The following EFCC1 variants were observed in gnomAD, a reference collection of about 807,000 sequenced individuals.
EFCC1 encodes the protein EF-hand and coiled-coil domain containing 1.
EFCC1 carries 50 observed loss-of-function variants against 52.1 expected under a neutral mutation model. The observed-to-expected ratio is 0.96, with a 90% CI of 0.76 to 1.21. The LOEUF (loss-of-function observed/expected upper bound fraction) is 1.21, where lower values mean the gene tolerates loss of function less well. EFCC1 is among the 50% of genes most tolerant of loss of function. The pLI, the probability that EFCC1 is intolerant of heterozygous loss-of-function variation, is 0.00. For missense variants in EFCC1, 837 were observed against 867.3 expected (o/e 0.97, Z 0.44); for synonymous variants, 399 against 396.5 (o/e 1.01, Z -0.08).
Position 129,014,946 on chromosome 3 carries a change from C to T in EFCC1, c.980+10869C>T, listed in dbSNP as rs994181271. Among the ~76,000 whole-genome samples the T allele has an allele frequency of 1.3e-5, 2 of 152,126 alleles. No individual in the cohort carries two copies. Among genetic ancestry groups the T allele is most frequent in the African/African-American group, 2.4e-5 (1 of 41,396 alleles). On this transcript the variant is annotated intron_variant, in intron 2 of 7. Transcript: ENST00000683648. The surrounding 1 kb of genome is among the most constrained non-coding windows in gnomAD (Gnocchi z 4.3). ...CTCAGCTCCAAGTGGCTCAGACCCA[C>T]CTGCTACTCTCCAGTCGCACCCACC...
intron 2 of EFCC1, among the ~76,000 whole-genome samples, chr3:129,022,105 A>G (rs1027468631): frequency 6.6e-6 from 1 of 152,174 alleles, no homozygotes; most frequent in Non-Finnish European, 1.5e-5. Flanking sequence ...CAGATCCTCT[A>G]GGATCAATGT....
intron 2 of EFCC1, among the ~76,000 whole-genome samples, chr3:129,020,619 A>T (rs903719283): frequency 1.3e-5 from 2 of 152,232 alleles, no homozygotes; most frequent in Non-Finnish European, 2.9e-5. Context: ...CCTGGGCAAC[A>T]GAGTAACACC....
Position 129,037,151 on chromosome 3 carries a change from A to G in EFCC1, c.1593+34A>G, listed in dbSNP as rs367732811. On this transcript the variant is annotated intron_variant, in intron 6 of 7. Transcript: ENST00000683648. ...ACGGGAGAGCTGCCACACTCAGGGA[A>G]GGGAAAGGAGCTCTTGGGAGGGAGC... 4 of 1,574,602 alleles carry G rather than the reference A, an allele frequency of 2.5e-6. No homozygotes were observed. The African/African-American group carries it at 5.4e-5, about 21-fold the overall frequency.
chr3:129,028,910 G>A (rs530246631), intron 2 of EFCC1, among the ~76,000 whole-genome samples: 1 of 152,336 alleles, frequency 6.6e-6, no homozygotes, highest in South Asian at 2.1e-4. Flanking sequence ...CAAAGTGCTA[G>A]GATTACAGGC....
chr3:129,027,548 G>A (rs1946160412), intron 2 of EFCC1, among the ~76,000 whole-genome samples: 1 of 152,204 alleles, frequency 6.6e-6, no homozygotes, highest in Non-Finnish European at 1.5e-5. Context: ...TGCGCAGTGA[G>A]AGGCTCAGCA....
intron 3 of EFCC1, 103 bp from the exon 4 acceptor site, chr3:129,032,716 C>A: frequency 6.9e-7 from 1 of 1,452,302 alleles, no homozygotes; most frequent in Non-Finnish European, 9.2e-7. Context: ...GGGGACATGG[C>A]ACAAGAGCCC....
At chr3:129,024,867 G>A (rs929375314) in intron 2 of EFCC1, among the ~76,000 whole-genome samples, 4 of 152,186 alleles carry the variant, frequency 2.6e-5, no homozygotes, top group Non-Finnish European at 4.4e-5. Flanking sequence ...CAGAGGGAGA[G>A]GTGAGTTCTG....
intron 2 of EFCC1, among the ~76,000 whole-genome samples, chr3:129,015,812 T>C (rs1945557016): frequency 6.8e-6 from 1 of 147,324 alleles, no homozygotes; most frequent in Non-Finnish European, 1.5e-5. Flanking sequence ...CCTGCTGTTG[T>C]TCTCTTGTTT....
In EFCC1 at chr3:129,034,160, G is replaced by A. The variant is rs533958203; in HGVS notation, c.1287-4G>A. ...TGCAATGCGGGCCCTCTCCTTTGCTGCAGGTGTGATGACCAGACGGCGGAG... is the reference window on the plus strand; with the variant it reads ...TGCAATGCGGGCCCTCTCCTTTGCTACAGGTGTGATGACCAGACGGCGGAG... On this transcript the variant is annotated splice_region_variant and splice_polypyrimidine_tract_variant and intron_variant, in intron 4 of 7. Coordinates refer to ENST00000683648, the MANE Select transcript of EFCC1 (RefSeq NM_001377500.1). The A allele has an allele frequency of 6.2e-6, 10 of 1,614,216 alleles. No homozygotes were observed. In the East Asian group the frequency reaches 2.2e-4, roughly 36 times the overall value.
At position 129,004,019 on chromosome 3, in the gene EFCC1, C is replaced by G; in HGVS notation, c.922C>G (p.Gln308Glu). The G allele has an allele frequency of 6.6e-6, 10 of 1,508,840 alleles. No homozygotes were observed. The highest frequency in any genetic ancestry group is 8.8e-6 in the Non-Finnish European group (10 of 1,135,782). 93.5% of individuals were successfully genotyped at this position (1,508,840 alleles called of 1,614,324 possible). The change falls in exon 2 of 8, where the codon CAG (glutamine) becomes GAG (glutamate). Residue 308 changes from glutamine (Q) to glutamate (E), a missense_variant. Gln to Glu is a conservative substitution (Grantham distance 29). Coordinates refer to ENST00000683648, the MANE Select transcript of EFCC1 (RefSeq NM_001377500.1). The stretch of plus-strand genomic sequence containing the variant: ...GCGAGAGCTGGAGGCGCTGGCGCAA[C>G]AGGTGCCCGGCTTGCAGCGCTGGGT... ...RVRELEALAQ[Q>E]VPGLQRWVRR...
rs1015630139 is a variant in EFCC1, at chr3:129,010,060, C to T, written c.980+5983C>T. On this transcript the variant is annotated intron_variant, in intron 2 of 7. Transcript: ENST00000683648. The surrounding 1 kb of genome is among the most constrained non-coding windows in gnomAD (Gnocchi z 4.3). ...ACACAGTAAGATGTGTGTGGACACA[C>T]GAATGGACCAGCGGGCATGGGAGTG... Among the ~76,000 whole-genome samples, 3 of 152,238 alleles carry T rather than the reference C, an allele frequency of 2.0e-5. No homozygotes were observed. The highest frequency in any genetic ancestry group is 1.9e-4 in the East Asian group (1 of 5,200).
intron 2 of EFCC1, among the ~76,000 whole-genome samples, chr3:129,028,062 T>C (rs995452827): frequency 1.3e-5 from 2 of 151,802 alleles, no homozygotes; most frequent in Non-Finnish European, 2.9e-5. Context: ...GACCAGGTAA[T>C]ATTTTCAGCC....
chr3:129,009,537 G>A (rs965720632), intron 2 of EFCC1, among the ~76,000 whole-genome samples: 2 of 152,170 alleles, frequency 1.3e-5, no homozygotes, highest in African/African-American at 2.4e-5. Flanking sequence ...CATCACAGGG[G>A]CCAGGACAAT....
At chr3:129,002,423 G>A in intron 1 of EFCC1, 99 bp downstream of exon 1, 12 of 1,421,102 alleles carry the variant, frequency 8.4e-6, no homozygotes, top group African/African-American at 7.5e-5. Context: ...GTCAGAGGAA[G>A]GGGAGACAGA....
chr3:129,026,920 G>A (rs571448596), intron 2 of EFCC1, among the ~76,000 whole-genome samples: 18 of 152,278 alleles, frequency 1.2e-4, no homozygotes, highest in African/African-American at 4.3e-4. Flanking sequence ...TCAGAGTCAT[G>A]GGCTCAAAAA....
chr3:129,039,145 A>C (rs1261377389), intron 7 of EFCC1, among the ~76,000 whole-genome samples: 1 of 152,218 alleles, frequency 6.6e-6, no homozygotes, highest in Non-Finnish European at 1.5e-5. Context: ...CTGCAGCCAC[A>C]TGCGGGGGAG....
chr3:129,010,476 T>C lies in EFCC1; in HGVS notation c.980+6399T>C, dbSNP rs1266505494. ...GGCGGCCTGGCCTCTGGCTTTGTTG[T>C]TGGGGGAGGGTGAAAAGGCTGGGAT... is the stretch of plus-strand genomic sequence containing the variant. On this transcript the variant is annotated intron_variant, in intron 2 of 7. Coordinates refer to ENST00000683648, the MANE Select transcript of EFCC1 (RefSeq NM_001377500.1). This position sits in a 1 kb window ranked among gnomAD's most constrained non-coding sequence, Gnocchi z 4.3. Among the ~76,000 whole-genome samples the C allele has an allele frequency of 6.1e-5, 9 of 148,510 alleles. No individual in the cohort carries two copies. The East Asian group carries it at 1.8e-3, about 30-fold the overall frequency.
rs1036156183 is a variant in EFCC1, at chr3:129,036,965, T to A, written c.1453-12T>A. 3.7e-6 allele frequency: 6 copies of A among 1,613,666 alleles called. No homozygotes were observed. The African/African-American group carries it at 5.3e-5, about 14-fold the overall frequency. ...GCCAGCAAAGTGAGCACTGAGCCCC[T>A]TCTCTTCCCAGGCAGAGTTGCAGCA... On this transcript the variant is annotated splice_polypyrimidine_tract_variant and intron_variant, in intron 5 of 7. Coordinates refer to ENST00000683648, the MANE Select transcript of EFCC1 (RefSeq NM_001377500.1).
In EFCC1 at chr3:129,039,920, A is replaced by G. The variant is rs1052680750; in HGVS notation, c.*72A>G. 68 of 1,506,292 alleles carry G rather than the reference A, an allele frequency of 4.5e-5. No homozygotes were observed. The African/African-American group carries it at 5.8e-4, about 13-fold the overall frequency. The allele number at this position is 1,506,292 out of a possible 1,614,324, so 93.3% of individuals were successfully genotyped here. On this transcript the variant is annotated 3_prime_UTR_variant, in exon 8 of 8. Transcript: ENST00000683648. The stretch of plus-strand genomic sequence containing the variant: ...TGGACCAGCCTCCATGATCAGCCCA[A>G]CCACTGACAGCTGGTCTGACCACCG...
Sources: gnomAD v4.1 joint callset for allele counts (sites outside exome capture counted in the v4.1 genomes callset) on GRCh38, gnomAD v4.1.1 for gene constraint, Gnocchi (gnomAD v3.1) non-coding constraint, MANE v1.5 for transcripts, NCBI Gene and HGNC (gene_info 2026-07-23, HGNC 2026-07-21) for gene names.